The following MS4A6E variants were observed in gnomAD, a reference collection of about 807,000 sequenced individuals.
MS4A6E encodes membrane spanning 4-domains A6E.
MS4A6E carries 8 observed loss-of-function variants against 13.2 expected under a neutral mutation model. The observed-to-expected ratio is 0.60, with a 90% CI of 0.35 to 1.09. MS4A6E has a LOEUF of 1.09. MS4A6E is among the 50% of genes least tolerant of loss of function. The probability of loss-of-function intolerance (pLI) is 0.02; values close to 1 mark genes in which losing one functional copy is unlikely to be tolerated. For missense variants in MS4A6E, 177 were observed against 171.1 expected (o/e 1.03, Z -0.19); for synonymous variants, 72 against 67.6 (o/e 1.06, Z -0.32).
intron 1 of MS4A6E, among the ~76,000 whole-genome samples, chr11:60,332,690 C>G (rs971809660): frequency 1.3e-5 from 2 of 152,172 alleles, no homozygotes; most frequent in Non-Finnish European, 2.9e-5. Flanking sequence ...TCAACCTTGT[C>G]AAAACCATAA....
Position 60,340,831 on chromosome 11 carries a change from C to A in MS4A6E, c.*65C>A, listed in dbSNP as rs2085219844. The A allele has an allele frequency of 1.1e-5, 2 of 188,504 alleles. No homozygotes were observed. Among genetic ancestry groups the A allele is most frequent in the South Asian group, 2.2e-4 (2 of 8,930 alleles). The allele number at this position is 188,504 out of a possible 1,614,324, so 11.7% of individuals were successfully genotyped here. ...GCTGGATATGAAGAACTATTGACTT[C>A]TTGGGAAAAAACGGAGAAATATTAA... On this transcript the variant is annotated 3_prime_UTR_variant, in exon 5 of 5. Coordinates refer to ENST00000684409, the MANE Select transcript of MS4A6E (RefSeq NM_139249.4).
chr11:60,340,783 T>C lies in MS4A6E; in HGVS notation c.*17T>C, dbSNP rs1273555752. On this transcript the variant is annotated 3_prime_UTR_variant, in exon 5 of 5. Coordinates refer to ENST00000684409, the MANE Select transcript of MS4A6E (RefSeq NM_139249.4). ...GCTTTTCCTGCCTCACAGTTACTCATGTCCTCAAAGACGACTCATGATGCT... is the reference window on the plus strand; with the variant it reads ...GCTTTTCCTGCCTCACAGTTACTCACGTCCTCAAAGACGACTCATGATGCT... 2 of 205,114 alleles carry C rather than the reference T, an allele frequency of 9.8e-6. No homozygotes were observed. The highest frequency in any genetic ancestry group is 1.9e-4 in the South Asian group (2 of 10,600). The allele number at this position is 205,114 out of a possible 1,614,324, so 12.7% of individuals were successfully genotyped here. A position where few individuals can be genotyped will look rare whatever the true frequency, so the allele number is the denominator to read the frequency against.
At position 60,337,800 on chromosome 11, in the gene MS4A6E, T is replaced by A; in HGVS notation, c.207T>A (p.Ile69=). Residue 69 remains isoleucine (I), a synonymous_variant, in exon 3 of 5, where the codon ATT becomes ATA. Transcript: ENST00000684409. ...LSALSALVGF[I]LLSVNPAALN... Reference sequence around the variant, plus strand: ...CTCTGTCTGCCCTGGTGGGTTTCATTCTCCTGTCTGTCAACCCGGCTGCAT... The same window carrying A: ...CTCTGTCTGCCCTGGTGGGTTTCATACTCCTGTCTGTCAACCCGGCTGCAT... 1 of 1,614,156 alleles carries A rather than the reference T, an allele frequency of 6.2e-7. No homozygotes were observed. Among genetic ancestry groups the A allele is most frequent in the African/African-American group, 1.3e-5 (1 of 75,042 alleles).
intron 1 of MS4A6E, among the ~76,000 whole-genome samples, chr11:60,329,880 C>G (rs1421078492): frequency 2.1e-5 from 3 of 144,426 alleles, no homozygotes; most frequent in Non-Finnish European, 3.0e-5. Context: ...GGCTGGACTG[C>G]TGTGGCACAA....
chr11:60,343,375 C>G (rs2085240954), downstream of MS4A6E, among the ~76,000 whole-genome samples: 1 of 152,030 alleles, frequency 6.6e-6, no homozygotes, highest in Admixed American at 6.6e-5. Flanking sequence ...ATTATTAATT[C>G]TACTATAAAG....
chr11:60,332,561 A>G (rs1346292907), intron 1 of MS4A6E, among the ~76,000 whole-genome samples: 1 of 152,196 alleles, frequency 6.6e-6, no homozygotes, highest in African/African-American at 2.4e-5. Context: ...TCTATTCCCT[A>G]AGGACATCTG....
intron 1 of MS4A6E, among the ~76,000 whole-genome samples, chr11:60,331,487 T>A (rs775106317): frequency 9.9e-5 from 15 of 152,276 alleles, no homozygotes; most frequent in Admixed American, 8.5e-4. Context: ...CTGACTTTTG[T>A]TTTTGTTTTT....
chr11:60,332,823 T>C (rs2085165299), intron 1 of MS4A6E, among the ~76,000 whole-genome samples: 1 of 152,208 alleles, frequency 6.6e-6, no homozygotes. Context: ...GAGAAAGCAA[T>C]TGATCCGAGG....
intron 1 of MS4A6E, among the ~76,000 whole-genome samples, chr11:60,328,518 C>G (rs971185131): frequency 7.3e-6 from 1 of 136,710 alleles, no homozygotes; most frequent in African/African-American, 3.1e-5. Flanking sequence ...AATGGATAAA[C>G]TGTGAGATAC....
chr11:60,327,526 C>T (rs1010232583), intron 1 of MS4A6E, among the ~76,000 whole-genome samples, 118 bp downstream of exon 1: 1 of 152,066 alleles, frequency 6.6e-6, no homozygotes, highest in Non-Finnish European at 1.5e-5. Context: ...GTATCGAACA[C>T]CTAAAAATGT....
intron 4 of MS4A6E, among the ~76,000 whole-genome samples, chr11:60,347,036 A>T (rs868305914): frequency 1.3e-5 from 2 of 152,216 alleles, no homozygotes; most frequent in Admixed American, 6.5e-5. Context: ...GAATCCTAAT[A>T]GCACAATTTT....
downstream of MS4A6E, among the ~76,000 whole-genome samples, chr11:60,343,130 T>C (rs79010836): frequency 0.01 from 1,585 of 152,270 alleles, 28 homozygotes; most frequent in African/African-American, 0.036. Context: ...TAAAGTTTGC[T>C]TCTAGGCCAA....
At chr11:60,338,916 C>T (rs554955008) in intron 3 of MS4A6E, among the ~76,000 whole-genome samples, 2 of 152,250 alleles carry the variant, frequency 1.3e-5, no homozygotes, top group South Asian at 4.2e-4. Context: ...GTAATTGGTA[C>T]AAATTCCACC....
Position 60,339,299 on chromosome 11 carries a change from A to G in MS4A6E, c.355-567A>G, listed in dbSNP as rs187729490. Reference sequence around the variant, plus strand: ...ACAGCAAAAATAAAAAATAAACAACAAAAATAAAAAACATCCAAACAGGTT... The same window carrying G: ...ACAGCAAAAATAAAAAATAAACAACGAAAATAAAAAACATCCAAACAGGTT... On this transcript the variant is annotated intron_variant, in intron 3 of 4. Coordinates refer to ENST00000684409, the MANE Select transcript of MS4A6E (RefSeq NM_139249.4). 3.3e-4 allele frequency among the ~76,000 whole-genome samples: 51 copies of G among 152,366 alleles called. No homozygotes were observed. In the East Asian group the frequency reaches 9.4e-3, roughly 28 times the overall value.
chr11:60,331,502 T>G (rs1483058873), intron 1 of MS4A6E, among the ~76,000 whole-genome samples: 2 of 152,170 alleles, frequency 1.3e-5, no homozygotes, highest in Non-Finnish European at 2.9e-5. Flanking sequence ...GTTTTTTTAG[T>G]CTGGAGCATT....
Position 60,335,117 on chromosome 11 carries a change from C to A in MS4A6E, c.147+75C>A. The A allele has an allele frequency of 2.5e-6, 4 of 1,571,662 alleles. No individual in the cohort carries two copies. The South Asian group carries it at 4.8e-5, about 19-fold the overall frequency. On this transcript the variant is annotated intron_variant, in intron 2 of 4. Transcript: ENST00000684409. The stretch of plus-strand genomic sequence containing the variant: ...AGATGATGTATGTTTTGGGACTGGT[C>A]ATCCTTGTGAGTGTGGAGACCCTTA...
In MS4A6E at chr11:60,339,925, T is replaced by C. The variant is rs140757869; in HGVS notation, c.414T>C (p.Thr138=). 3.4e-4 allele frequency: 550 copies of C among 1,613,884 alleles called. 1 individual carries two copies. The highest frequency in any genetic ancestry group is 4.2e-4 in the Non-Finnish European group (494 of 1,179,792). ...TVLEFCLAVL[T]AVLQWKQTV ...TGGAGTTCTGCCTAGCTGTGCTCAC[T>C]GCTGTGCTGCAGTGGAAACAGACTG... The change falls in exon 4 of 5, where the codon ACT becomes ACC. Residue 138 remains threonine, a synonymous_variant. Coordinates refer to ENST00000684409, the MANE Select transcript of MS4A6E (RefSeq NM_139249.4).
At position 60,337,957 on chromosome 11, in the gene MS4A6E, T is replaced by G. The variant is rs1482489580; in HGVS notation, c.354+10T>G. 1 of 1,610,260 alleles carries G rather than the reference T, an allele frequency of 6.2e-7. No individual in the cohort carries two copies. Among genetic ancestry groups the G allele is most frequent in the East Asian group, 2.2e-5 (1 of 44,828 alleles). On this transcript the variant is annotated intron_variant, in intron 3 of 4. Coordinates refer to ENST00000684409, the MANE Select transcript of MS4A6E (RefSeq NM_139249.4). ...CAAAGCCAGTCTGGCTGTAAGTATT[T>G]TTTAGATGGGATGTTCTAATTTTAT...
chr11:60,330,335 C>CTTTTTTT (rs71036576), intron 1 of MS4A6E, among the ~76,000 whole-genome samples: 2 of 61,166 alleles, frequency 3.3e-5, no homozygotes, highest in African/African-American at 5.7e-5. Flanking sequence ...AATTTTGGCT[C>CTTTTTTT]TTTTTTTTTT....
Sources: gnomAD v4.1 joint callset for allele counts (sites outside exome capture counted in the v4.1 genomes callset) on GRCh38, gnomAD v4.1.1 for gene constraint, MANE v1.5 for transcripts, NCBI Gene and HGNC (gene_info 2026-07-23, HGNC 2026-07-21) for gene names.